Variants in CD53 observed in about 807,000 individuals in gnomAD.
CD53 encodes leukocyte surface antigen CD53.
A neutral mutation model predicts 27.3 loss-of-function variants in CD53; 20 were observed. The observed-to-expected ratio is 0.73, with a 90% CI of 0.52 to 1.07. CD53 has a LOEUF of 1.07. CD53 is among the 50% of genes least tolerant of loss of function. The pLI is 0.00. For missense variants in CD53, 216 were observed against 264.0 expected (o/e 0.82, Z 1.26); for synonymous variants, 106 against 105.3 (o/e 1.01, Z -0.04).
At chr1:110,886,869 A>ATATATATATATATATATATATATTTTT (rs1298376721) in intron 1 of CD53, among the ~76,000 whole-genome samples, 6 of 82,778 alleles carry the variant, frequency 7.2e-5, no homozygotes, top group South Asian at 4.3e-4. Flanking sequence ...ATATATATAT[A>ATATATATATATATATATATATATTTTT]TTTTTTTTTT....
chr1:110,872,005 G>T (rs1337377051), upstream of CD53, among the ~76,000 whole-genome samples: 1 of 152,122 alleles, frequency 6.6e-6, no homozygotes, highest in Non-Finnish European at 1.5e-5. Flanking sequence ...GATTACTCTG[G>T]ATCTGAATGT....
At chr1:110,879,605 C>G (rs1362210337) in intron 1 of CD53, among the ~76,000 whole-genome samples, 1 of 152,046 alleles carries the variant, frequency 6.6e-6, no homozygotes, top group African/African-American at 2.4e-5. Flanking sequence ...GGAGCACTTA[C>G]TAATATCTCA....
chr1:110,892,161 C>T lies in CD53; in HGVS notation c.64-184C>T, dbSNP rs114632801. On this transcript the variant is annotated intron_variant, in intron 2 of 7. Transcript: ENST00000271324. ...AGGAAGAGTTGTGAGTAGGTCTCCACATGAGAAAGCTGAGATTGCCTCTCC... is the reference window on the plus strand; with the variant it reads ...AGGAAGAGTTGTGAGTAGGTCTCCATATGAGAAAGCTGAGATTGCCTCTCC... Among the ~76,000 whole-genome samples, 435 of 152,288 alleles carry T rather than the reference C, an allele frequency of 2.9e-3. 2 individuals carry two copies. Among genetic ancestry groups the T allele is most frequent in the African/African-American group, 0.01 (419 of 41,554 alleles).
chr1:110,898,229 T>C (rs1054017405), intron 7 of CD53, among the ~76,000 whole-genome samples: 3 of 151,674 alleles, frequency 2.0e-5, no homozygotes, highest in Non-Finnish European at 4.4e-5. Flanking sequence ...TACAAAAAAT[T>C]AACCAGACGT....
At chr1:110,891,318 G>A in intron 1 of CD53, 74 bp from the exon 2 acceptor site, 1 of 1,039,196 alleles carries the variant, frequency 9.6e-7, no homozygotes, top group South Asian at 1.3e-5. Flanking sequence ...AGAGATCCCT[G>A]AACATTTGTG....
intron 1 of CD53, among the ~76,000 whole-genome samples, chr1:110,883,569 TAG>T (rs759972059): frequency 1.3e-5 from 2 of 151,984 alleles, no homozygotes; most frequent in East Asian, 3.8e-4. Context: ...CAGGATAAGG[TAG>T]AGAGTGTACC....
At chr1:110,882,144 T>G (rs114480232) in intron 1 of CD53, among the ~76,000 whole-genome samples, 107 of 152,294 alleles carry the variant, frequency 7.0e-4, no homozygotes, top group Non-Finnish European at 1.2e-3. Context: ...ATCAACTTAT[T>G]GTGCTTTTGG....
chr1:110,877,270 GTTAT>G (rs1656162629), intron 1 of CD53, among the ~76,000 whole-genome samples: 1 of 152,066 alleles, frequency 6.6e-6, no homozygotes, highest in African/African-American at 2.4e-5. Flanking sequence ...TTAGATTCAG[GTTAT>G]TTAAATTTTT....
rs1656887877 is a variant in CD53 at position 110,892,390 on chromosome 1, CACA to C, written c.115_117del (p.Asn39del). The C allele has an allele frequency of 1.2e-6, 2 of 1,613,862 alleles. No individual in the cohort carries two copies. The highest frequency in any genetic ancestry group is 8.5e-7 in the Non-Finnish European group (1 of 1,179,878). On this transcript the variant is annotated inframe_deletion, in exon 3 of 8. Coordinates refer to ENST00000271324, the MANE Select transcript of CD53 (RefSeq NM_000560.4). ...GGGCTTTGGGATCTACCTGCTGATC[CACA>C]ACAACTTCGGAGTGCTCTTCCATAA...
chr1:110,897,517 T>G (rs1201820621), intron 6 of CD53, among the ~76,000 whole-genome samples: 2 of 152,192 alleles, frequency 1.3e-5, no homozygotes, highest in African/African-American at 4.8e-5. Flanking sequence ...TCAAAGACAG[T>G]AGGACGTCGG....
intron 7 of CD53, among the ~76,000 whole-genome samples, chr1:110,898,192 A>G (rs1287797480): frequency 6.6e-6 from 1 of 152,104 alleles, no homozygotes; most frequent in African/African-American, 2.4e-5. Context: ...CCTGGCTAAC[A>G]TGGTGAAACC....
chr1:110,899,276 C>A lies in CD53; in HGVS notation c.*81C>A. ...TTTATAGCATGAAGCCCTACATGAT[C>A]ACTGCAGGATGATCCTCCTCCCATC... On this transcript the variant is annotated 3_prime_UTR_variant, in exon 8 of 8. Transcript: ENST00000271324. The A allele has an allele frequency of 4.1e-6, 4 of 981,518 alleles. No homozygotes were observed. The highest frequency in any genetic ancestry group is 4.9e-6 in the Non-Finnish European group (3 of 616,796). The allele number at this position is 981,518 out of a possible 1,614,324, so 60.8% of individuals were successfully genotyped here.
chr1:110,882,311 G>A (rs1438443046), intron 1 of CD53, among the ~76,000 whole-genome samples: 1 of 152,018 alleles, frequency 6.6e-6, no homozygotes, highest in Non-Finnish European at 1.5e-5. Flanking sequence ...CATATTAATA[G>A]ACAATTGTTC....
intron 3 of CD53, among the ~76,000 whole-genome samples, chr1:110,893,140 T>C (rs1205274791): frequency 1.3e-5 from 2 of 152,228 alleles, no homozygotes; most frequent in African/African-American, 4.8e-5. Flanking sequence ...GTAAGCACAG[T>C]GCCTGTAGAG....
intron 1 of CD53, among the ~76,000 whole-genome samples, chr1:110,890,119 A>G (rs1025719430): frequency 6.6e-6 from 1 of 152,166 alleles, no homozygotes; most frequent in Non-Finnish European, 1.5e-5. Context: ...ACTGCAAAGG[A>G]GATACTATGG....
chr1:110,894,425 A>G, intron 4 of CD53, 24 bp downstream of exon 4: 1 of 1,547,796 alleles, frequency 6.5e-7, no homozygotes, highest in Non-Finnish European at 8.9e-7. Flanking sequence ...ACAACAACTT[A>G]TTGTCTTAAT....
intron 1 of CD53, chr1:110,880,144 C>T (rs186133790): frequency 1.3e-5 from 2 of 152,186 alleles, no homozygotes; most frequent in Middle Eastern, 3.4e-3. Flanking sequence ...TTGCATAGAA[C>T]CATGAGTCAT....
At chr1:110,899,091 G>A (rs747822402) in intron 7 of CD53, 33 bp from the exon 8 acceptor site, 1 of 1,578,244 alleles carries the variant, frequency 6.3e-7, no homozygotes, top group Admixed American at 1.7e-5. Context: ...CTTTTCTTAT[G>A]AAGACTTCAA....
chr1:110,872,483 A>C (rs1466178521), upstream of CD53, among the ~76,000 whole-genome samples: 1 of 152,232 alleles, frequency 6.6e-6, no homozygotes, highest in Non-Finnish European at 1.5e-5. Flanking sequence ...CAGCTAAAAG[A>C]GATAAAGCTG....
Sources: gnomAD v4.1 joint callset for allele counts (sites outside exome capture counted in the v4.1 genomes callset) on GRCh38, gnomAD v4.1.1 for gene constraint, MANE v1.5 for transcripts, NCBI Gene and HGNC (gene_info 2026-07-23, HGNC 2026-07-21) for gene names.